Variants in ITGA9 observed in about 807,000 individuals in gnomAD.
ITGA9 encodes the protein integrin alpha-9.
A neutral mutation model predicts 127.8 loss-of-function variants in ITGA9; 56 were observed. The ratio of observed to expected loss-of-function variants is 0.44; its 90% CI spans 0.35 to 0.55. The LOEUF is 0.55. Ranked by LOEUF, ITGA9 falls within the 20% of genes least tolerant of loss-of-function variation. The pLI is 0.00. For synonymous variants in ITGA9, 508 were observed against 514.5 expected (o/e 0.99, Z 0.17); for missense variants, 1,196 against 1,347.1 (o/e 0.89, Z 1.76).
chr3:37,527,725 G>A (rs1699107732), intron 13 of ITGA9, among the ~76,000 whole-genome samples: 1 of 151,998 alleles, frequency 6.6e-6, no homozygotes, highest in South Asian at 2.1e-4. Flanking sequence ...TGGTTTGTCA[G>A]GATTCTTCTC....
At chr3:37,546,510 T>C (rs1045753012) in intron 15 of ITGA9, among the ~76,000 whole-genome samples, 2 of 152,240 alleles carry the variant, frequency 1.3e-5, no homozygotes, top group Non-Finnish European at 2.9e-5. Flanking sequence ...TCCTGCCTGC[T>C]GAAGGCTTGC....
In ITGA9 at chr3:37,593,667, T is replaced by C. The variant is rs1233362718; in HGVS notation, c.1690-35520T>C. ...CTGAAAGGCCCATCACAGTGGGAGT[T>C]AGGGCTTAAAAATGTGAATGTGGTG... On this transcript the variant is annotated intron_variant, in intron 15 of 27. Transcript: ENST00000264741. 2.0e-5 allele frequency among the ~76,000 whole-genome samples: 3 copies of C among 152,208 alleles called. No individual in the cohort carries two copies. In the East Asian group the frequency reaches 5.8e-4, roughly 29 times the overall value.
intron 16 of ITGA9, among the ~76,000 whole-genome samples, chr3:37,642,727 C>T (rs1020379332): frequency 1.3e-5 from 2 of 152,306 alleles, no homozygotes; most frequent in Admixed American, 6.5e-5. Flanking sequence ...TGTTGTCTTT[C>T]AAGTGAAAAG....
In ITGA9 at chr3:37,777,376, C is replaced by T. The variant is rs1299473620; in HGVS notation, c.2542-16C>T. On this transcript the variant is annotated splice_polypyrimidine_tract_variant and intron_variant, in intron 23 of 27. Coordinates refer to ENST00000264741, the MANE Select transcript of ITGA9 (RefSeq NM_002207.3). ...CTTGAGAATGACTCCTCTGACAGGC[C>T]TCTTTTCATTTGCAGGTGGGCCAAG... The T allele has an allele frequency of 3.7e-6, 6 of 1,613,934 alleles. No individual in the cohort carries two copies. The highest frequency in any genetic ancestry group is 1.1e-5 in the South Asian group (1 of 91,082).
intron 9 of ITGA9, among the ~76,000 whole-genome samples, chr3:37,516,218 T>C (rs75700588): frequency 0.044 from 6,716 of 152,260 alleles, 405 homozygotes; most frequent in South Asian, 0.2. Flanking sequence ...TTTCTTGATG[T>C]TGTATGGTTA....
intron 8 of ITGA9, among the ~76,000 whole-genome samples, chr3:37,512,436 T>C (rs566793171): frequency 4.0e-5 from 6 of 151,776 alleles, no homozygotes; most frequent in Admixed American, 3.9e-4. Flanking sequence ...GCCAGGCTGG[T>C]CTCGAACTCC....
chr3:37,473,337 T>C lies in ITGA9; in HGVS notation c.314-17T>C. The C allele has an allele frequency of 6.2e-7, 1 of 1,610,294 alleles. No homozygotes were observed. Among genetic ancestry groups the C allele is most frequent in the Admixed American group, 1.7e-5 (1 of 60,002 alleles). ...TCACTCCTCAACCCAAGTCTGGCTCTTCTCCTCTTTCTCCAGGGAAGAATC... is the reference window on the plus strand; with the variant it reads ...TCACTCCTCAACCCAAGTCTGGCTCCTCTCCTCTTTCTCCAGGGAAGAATC... On this transcript the variant is annotated splice_polypyrimidine_tract_variant and intron_variant, in intron 2 of 27. Coordinates refer to ENST00000264741, the MANE Select transcript of ITGA9 (RefSeq NM_002207.3).
chr3:37,533,631 C>T (rs1699180696), intron 14 of ITGA9, among the ~76,000 whole-genome samples, 163 bp downstream of exon 14: 1 of 152,204 alleles, frequency 6.6e-6, no homozygotes, highest in South Asian at 2.1e-4. Context: ...CTTCTATTTC[C>T]TGCTTATCAA....
At chr3:37,630,583 A>G (rs1192951864) in intron 16 of ITGA9, among the ~76,000 whole-genome samples, 3 of 152,188 alleles carry the variant, frequency 2.0e-5, no homozygotes, top group Non-Finnish European at 2.9e-5. Context: ...CCCTCCTTGA[A>G]AGGAGATCCC....
chr3:37,503,848 GAA>G (rs1698814259), intron 6 of ITGA9, among the ~76,000 whole-genome samples: 1 of 152,236 alleles, frequency 6.6e-6, no homozygotes, highest in Admixed American at 6.5e-5. Flanking sequence ...CTATCAGGCA[GAA>G]TGACACTGGG....
At position 37,822,981 on chromosome 3, in the gene ITGA9, GCA is replaced by G. The variant is rs1308968767; in HGVS notation, c.*3996_*3997del. ...CATCATTTCAGAAATGCTTTAGTAT[GCA>G]CACTTTTAGCTGATATTTTGATATA... is the stretch of plus-strand genomic sequence containing the variant. On this transcript the variant is annotated 3_prime_UTR_variant, in exon 28 of 28. Coordinates refer to ENST00000264741, the MANE Select transcript of ITGA9 (RefSeq NM_002207.3). The G allele has an allele frequency of 1.3e-5, 2 of 152,168 alleles. No individual in the cohort carries two copies. The highest frequency in any genetic ancestry group is 2.9e-5 in the Non-Finnish European group (2 of 68,038). 9.4% of individuals were successfully genotyped at this position (152,168 alleles called of 1,614,324 possible). A position where few individuals can be genotyped will look rare whatever the true frequency, so the allele number is the denominator to read the frequency against.
At chr3:37,544,975 G>A (rs1191066055) in intron 15 of ITGA9, among the ~76,000 whole-genome samples, 1 of 152,260 alleles carries the variant, frequency 6.6e-6, no homozygotes, top group Non-Finnish European at 1.5e-5. Context: ...CCCGTAGGAT[G>A]AGTGCTAATG....
At chr3:37,495,541 G>A (rs1246259597) in intron 5 of ITGA9, among the ~76,000 whole-genome samples, 1 of 152,104 alleles carries the variant, frequency 6.6e-6, no homozygotes, top group Non-Finnish European at 1.5e-5. Context: ...CAGTCCTGTT[G>A]TTTTAGCCTC....
chr3:37,595,180 C>T (rs144503443), intron 15 of ITGA9, among the ~76,000 whole-genome samples: 2 of 152,190 alleles, frequency 1.3e-5, no homozygotes, highest in African/African-American at 4.8e-5. Flanking sequence ...TCTCCGCTCA[C>T]TGCAGCCTCA....
chr3:37,463,943 A>G (rs1698343189), intron 1 of ITGA9, among the ~76,000 whole-genome samples: 1 of 152,242 alleles, frequency 6.6e-6, no homozygotes, highest in Admixed American at 6.5e-5. Flanking sequence ...TGTCACAGTA[A>G]TCTGCATGAA....
chr3:37,748,381 G>T, intron 22 of ITGA9: 1 of 604,380 alleles, frequency 1.7e-6, no homozygotes, highest in Non-Finnish European at 3.1e-6. Flanking sequence ...GAAAATTAAT[G>T]TACGTATTGA....
At chr3:37,717,027 A>G (rs891149256) in intron 18 of ITGA9, among the ~76,000 whole-genome samples, 3 of 152,236 alleles carry the variant, frequency 2.0e-5, no homozygotes, top group African/African-American at 7.2e-5. Context: ...ATCAGAACAC[A>G]CTAAGAGACA....
At chr3:37,643,174 G>A (rs1275741233) in intron 16 of ITGA9, among the ~76,000 whole-genome samples, 3 of 152,176 alleles carry the variant, frequency 2.0e-5, no homozygotes, top group African/African-American at 7.2e-5. Context: ...GGAAAGGGGT[G>A]TTAGAGGAAA....
intron 15 of ITGA9, among the ~76,000 whole-genome samples, chr3:37,615,930 AT>A (rs912982228): frequency 1.0e-3 from 156 of 152,032 alleles, no homozygotes; most frequent in African/African-American, 3.4e-3. Context: ...GGATTCATTG[AT>A]TTTTTTGAAG....
Sources: gnomAD v4.1 joint callset for allele counts (sites outside exome capture counted in the v4.1 genomes callset) on GRCh38, gnomAD v4.1.1 for gene constraint, MANE v1.5 for transcripts, NCBI Gene and HGNC (gene_info 2026-07-23, HGNC 2026-07-21) for gene names.